Variants in GABRB2 observed in about 807,000 individuals in gnomAD.
The protein encoded by GABRB2 is gamma-aminobutyric acid receptor subunit beta-2.
In GABRB2, 16 loss-of-function variants were observed where a neutral mutation model predicts 54.7. The observed-to-expected ratio is 0.29, with a 90% CI of 0.20 to 0.44. The LOEUF is 0.44. Among genes scored for constraint, GABRB2 ranks in the 20% least tolerant of loss-of-function variants. GABRB2 has a pLI of 1.00. For missense variants in GABRB2, 355 were observed against 644.0 expected (o/e 0.55, Z 4.86); for synonymous variants, 244 against 233.8 (o/e 1.04, Z -0.40).
rs537193728 is a variant in GABRB2, at chr5:161,445,025, C to T, written c.458+14599G>A. On this transcript the variant is annotated intron_variant, in intron 4 of 9. Coordinates refer to ENST00000393959, the MANE Select transcript of GABRB2 (RefSeq NM_001371727.1). ...GTCAGACTGATAAACTAGAAAAGTG[C>T]TGTGGCGAAACGGCAATTACTCATT... Among the ~76,000 whole-genome samples, 36 of 152,144 alleles carry T rather than the reference C, an allele frequency of 2.4e-4. 1 individual carries two copies. Among genetic ancestry groups the T allele is most frequent in the African/African-American group, 7.2e-4 (30 of 41,520 alleles).
At chr5:161,395,558 A>G (rs1425172782) in intron 5 of GABRB2, among the ~76,000 whole-genome samples, 1 of 152,188 alleles carries the variant, frequency 6.6e-6, no homozygotes, top group Non-Finnish European at 1.5e-5. Flanking sequence ...AACACATATA[A>G]GTATCGCAAT....
chr5:161,396,379 T>A (rs1756003108), intron 5 of GABRB2, among the ~76,000 whole-genome samples: 1 of 152,218 alleles, frequency 6.6e-6, no homozygotes, highest in African/African-American at 2.4e-5. Flanking sequence ...ATTGGGCAGA[T>A]CATTTGTCTT....
At chr5:161,491,286 A>G (rs1003752387) in intron 3 of GABRB2, among the ~76,000 whole-genome samples, 2 of 151,712 alleles carry the variant, frequency 1.3e-5, no homozygotes, top group African/African-American at 4.8e-5. Context: ...GAGTTGGAAT[A>G]CCAAAGTTTG....
chr5:161,391,964 T>A (rs1467791198), intron 5 of GABRB2, among the ~76,000 whole-genome samples: 3 of 152,200 alleles, frequency 2.0e-5, no homozygotes, highest in Non-Finnish European at 2.9e-5. Context: ...CTGCTGTCTG[T>A]GCAGCACCTC....
intron 3 of GABRB2, among the ~76,000 whole-genome samples, chr5:161,500,734 T>C (rs932087916): frequency 6.6e-6 from 1 of 152,226 alleles, no homozygotes; most frequent in African/African-American, 2.4e-5. Context: ...TCAGATTTTA[T>C]GCCACTGAAA....
chr5:161,443,313 T>C (rs1757520246), intron 4 of GABRB2, among the ~76,000 whole-genome samples: 1 of 152,162 alleles, frequency 6.6e-6, no homozygotes, highest in Admixed American at 6.6e-5. Context: ...ACAATAACAC[T>C]TTTTCATAAT....
At chr5:161,305,062 TGC>T (rs1757647811) in intron 9 of GABRB2, among the ~76,000 whole-genome samples, 3 of 140,944 alleles carry the variant, frequency 2.1e-5, no homozygotes, top group African/African-American at 7.9e-5. Flanking sequence ...CAGGCCGGAC[TGC>T]GGACTGCAGT....
intron 3 of GABRB2, among the ~76,000 whole-genome samples, chr5:161,540,814 T>G (rs1032644563): frequency 2.6e-5 from 4 of 152,094 alleles, no homozygotes; most frequent in African/African-American, 9.7e-5. Flanking sequence ...TCTTGTTGTT[T>G]TGTTTGTTTT....
chr5:161,532,113 GATGA>G (rs1252360972), intron 3 of GABRB2, among the ~76,000 whole-genome samples: 1 of 152,098 alleles, frequency 6.6e-6, no homozygotes, highest in African/African-American at 2.4e-5. Flanking sequence ...CACATACAGG[GATGA>G]ATGCTTGGGT....
chr5:161,505,435 C>A (rs896557240), intron 3 of GABRB2, among the ~76,000 whole-genome samples: 2 of 152,030 alleles, frequency 1.3e-5, no homozygotes, highest in African/African-American at 2.4e-5. Flanking sequence ...CCAGCCAAGT[C>A]TTTTCTTGAG....
intron 7 of GABRB2, among the ~76,000 whole-genome samples, chr5:161,331,850 G>A (rs765286866): frequency 3.9e-5 from 6 of 152,200 alleles, no homozygotes; most frequent in East Asian, 1.9e-4. Context: ...ATGATGGGGA[G>A]AAGCAGGCAT....
intron 4 of GABRB2, among the ~76,000 whole-genome samples, chr5:161,446,951 A>T (rs1029535110): frequency 4.0e-5 from 6 of 150,958 alleles, no homozygotes; most frequent in Admixed American, 1.3e-4. Context: ...ATAAGAATTT[A>T]CCACCACCAT....
intron 4 of GABRB2, among the ~76,000 whole-genome samples, chr5:161,424,897 C>T (rs1490171987): frequency 1.3e-5 from 2 of 152,054 alleles, no homozygotes; most frequent in Admixed American, 1.3e-4. Context: ...AAAATACCAA[C>T]ATTAATAAGA....
chr5:161,386,588 C>T (rs1330364771), intron 5 of GABRB2, among the ~76,000 whole-genome samples: 3 of 152,066 alleles, frequency 2.0e-5, no homozygotes, highest in Non-Finnish European at 4.4e-5. Flanking sequence ...CTCTGTCGCC[C>T]TAGCTGGAAT....
chr5:161,447,114 T>A (rs1757656705), intron 4 of GABRB2, among the ~76,000 whole-genome samples: 1 of 152,130 alleles, frequency 6.6e-6, no homozygotes, highest in Admixed American at 6.6e-5. Flanking sequence ...TTTACAAGCA[T>A]TTTTTTGTAG....
chr5:161,463,565 A>AGATATATG (rs1758188441), intron 3 of GABRB2, among the ~76,000 whole-genome samples: 1 of 104,732 alleles, frequency 9.5e-6, no homozygotes, highest in Non-Finnish European at 2.1e-5. Context: ...TTATATATAT[A>AGATATATG]TATATATATA....
At chr5:161,486,645 T>C (rs761694159) in intron 3 of GABRB2, among the ~76,000 whole-genome samples, 1 of 151,868 alleles carries the variant, frequency 6.6e-6, no homozygotes, top group Non-Finnish European at 1.5e-5. Flanking sequence ...ATGTCATGCA[T>C]AAATTTATTC....
At chr5:161,397,695 A>C (rs936160825) in intron 5 of GABRB2, among the ~76,000 whole-genome samples, 1 of 152,222 alleles carries the variant, frequency 6.6e-6, no homozygotes, top group African/African-American at 2.4e-5. Flanking sequence ...GGACAGAAGA[A>C]TCACTTCCTA....
chr5:161,351,620 G>T (rs1268763346), intron 5 of GABRB2, among the ~76,000 whole-genome samples: 1 of 152,000 alleles, frequency 6.6e-6, no homozygotes, highest in Non-Finnish European at 1.5e-5. Flanking sequence ...AGCGGGAAAA[G>T]CTCCATGACA....
Sources: allele counts gnomAD v4.1 joint callset (sites outside exome capture counted in the v4.1 genomes callset), GRCh38; gene constraint gnomAD v4.1.1; transcripts MANE v1.5; gene names NCBI Gene and HGNC (gene_info 2026-07-23, HGNC 2026-07-21).